COX7B2: variants seen among roughly 807,000 people sequenced by gnomAD.
COX7B2 encodes the protein cytochrome c oxidase subunit 7B2, mitochondrial.
For missense variants in COX7B2, 109 were observed against 95.9 expected (o/e 1.14, Z -0.57); for synonymous variants, 37 against 32.1 (o/e 1.15, Z -0.51).
At chr4:46,751,218 G>A (rs138266095) in intron 2 of COX7B2, among the ~76,000 whole-genome samples, 1 of 151,868 alleles carries the variant, frequency 6.6e-6, no homozygotes, top group East Asian at 1.9e-4. Context: ...TTGTTCGTGG[G>A]GAGATATTTA....
intron 1 of COX7B2, among the ~76,000 whole-genome samples, chr4:46,870,850 A>C (rs1281417981): frequency 2.0e-5 from 3 of 152,126 alleles, no homozygotes; most frequent in African/African-American, 7.2e-5. Context: ...ACACAGACAA[A>C]CGGAAAAACA....
At chr4:46,907,848 C>CTTTTTTTTGTTTTTTTTTTTTTTTTTTTT (rs1720494663) in intron 1 of COX7B2, among the ~76,000 whole-genome samples, 1 of 59,730 alleles carries the variant, frequency 1.7e-5, no homozygotes, top group Non-Finnish European at 3.1e-5. Context: ...TTTGAGCAGA[C>CTTTTTTTTGTTTTTTTTTTTTTTTTTTTT]TTTTTTTTTT....
intron 2 of COX7B2, among the ~76,000 whole-genome samples, chr4:46,749,200 T>C (rs28663436): frequency 0.32 from 48,070 of 152,016 alleles, 7,937 homozygotes; most frequent in South Asian, 0.47. Context: ...GCAAGTTAAA[T>C]GTAGAAATAA....
intron 2 of COX7B2, among the ~76,000 whole-genome samples, chr4:46,840,342 C>G (rs538757261): frequency 3.6e-4 from 55 of 152,018 alleles, no homozygotes; most frequent in Admixed American, 9.8e-4. Context: ...AATTAGAAAA[C>G]AGGGGACTTC....
intron 2 of COX7B2, among the ~76,000 whole-genome samples, chr4:46,758,688 AGAAATTTAGT>A (rs1323220628): frequency 6.6e-6 from 1 of 152,164 alleles, no homozygotes; most frequent in Non-Finnish European, 1.5e-5. Flanking sequence ...TTCTCAAAGT[AGAAATTTAGT>A]GAACCCAAAG....
intron 2 of COX7B2, among the ~76,000 whole-genome samples, chr4:46,796,622 G>A (rs1426323749): frequency 1.4e-5 from 1 of 70,896 alleles, no homozygotes; most frequent in African/African-American, 7.0e-5. Flanking sequence ...AAATCATGCT[G>A]CTATAAAGAC....
intron 1 of COX7B2, among the ~76,000 whole-genome samples, chr4:46,875,966 A>C (rs944221171): frequency 2.5e-4 from 38 of 152,106 alleles, no homozygotes; most frequent in African/African-American, 8.7e-4. Flanking sequence ...AATTCAGTGA[A>C]GTTTATATGC....
chr4:46,863,863 TTA>T (rs1486961407), intron 1 of COX7B2, among the ~76,000 whole-genome samples: 2 of 152,008 alleles, frequency 1.3e-5, no homozygotes, highest in Admixed American at 6.5e-5. Context: ...TTTTTAATTC[TTA>T]GATTGCTTAA....
intron 2 of COX7B2, among the ~76,000 whole-genome samples, chr4:46,825,893 G>A (rs556292915): frequency 6.6e-6 from 1 of 152,154 alleles, no homozygotes; most frequent in Admixed American, 6.6e-5. Flanking sequence ...ATAGATTAAA[G>A]GTTTAAATGT....
intron 1 of COX7B2, among the ~76,000 whole-genome samples, chr4:46,855,013 A>G (rs1023208107): frequency 2.6e-5 from 4 of 152,162 alleles, no homozygotes; most frequent in Non-Finnish European, 4.4e-5. Context: ...AGAATTTTAA[A>G]TTAATTTTAA....
chr4:46,819,292 C>T (rs181759961), intron 2 of COX7B2, among the ~76,000 whole-genome samples: 158 of 152,166 alleles, frequency 1.0e-3, no homozygotes, highest in African/African-American at 3.6e-3. Context: ...TCATTCATTC[C>T]CTCTACAGAG....
chr4:46,839,343 C>T (rs117764449), intron 2 of COX7B2, among the ~76,000 whole-genome samples: 2 of 152,068 alleles, frequency 1.3e-5, no homozygotes, highest in East Asian at 3.9e-4. Context: ...GTGCTTCAGT[C>T]CTCTTGTCAA....
intron 1 of COX7B2, among the ~76,000 whole-genome samples, chr4:46,870,389 G>A (rs1360105461): frequency 6.6e-6 from 1 of 151,992 alleles, no homozygotes; most frequent in African/African-American, 2.4e-5. Context: ...TACTGAATGA[G>A]CAAAAGTTGG....
intron 2 of COX7B2, among the ~76,000 whole-genome samples, chr4:46,797,034 T>A: frequency 1.1e-5 from 1 of 93,872 alleles, no homozygotes; most frequent in African/African-American, 4.9e-5. Flanking sequence ...ATGGCACATG[T>A]ATACATATGT....
intron 2 of COX7B2, among the ~76,000 whole-genome samples, chr4:46,756,734 C>G (rs374028430): frequency 1.3e-5 from 2 of 151,902 alleles, no homozygotes; most frequent in Non-Finnish European, 2.9e-5. Flanking sequence ...CAAAGAAAAA[C>G]CATAATGAGA....
chr4:46,778,949 TACAA>T (rs1156284167), intron 2 of COX7B2, among the ~76,000 whole-genome samples: 1 of 152,174 alleles, frequency 6.6e-6, no homozygotes, highest in East Asian at 1.9e-4. Context: ...CATCTAAAAA[TACAA>T]TATAAAACAA....
rs1244031024 is a variant in COX7B2, at chr4:46,756,666, ACAAG to A, written c.-49-21429_-49-21426del. Among the ~76,000 whole-genome samples, 3 of 152,228 alleles carry A rather than the reference ACAAG, an allele frequency of 2.0e-5. No homozygotes were observed. The East Asian group carries it at 5.8e-4, about 29-fold the overall frequency. Reference sequence around the variant, plus strand: ...AAGGGCATACATTTCTAAAAGACATACAAGCAGTCAACAAACATATGAAAAAATA... The same window carrying A: ...AAGGGCATACATTTCTAAAAGACATACAGTCAACAAACATATGAAAAAATA... On this transcript the variant is annotated intron_variant, in intron 2 of 2. Transcript: ENST00000355591.
chr4:46,834,209 C>A (rs1223629816), intron 2 of COX7B2, among the ~76,000 whole-genome samples: 2 of 151,986 alleles, frequency 1.3e-5, no homozygotes, highest in African/African-American at 4.8e-5. Context: ...ATAGTATGAT[C>A]CCAATTTTAA....
intron 2 of COX7B2, among the ~76,000 whole-genome samples, chr4:46,740,931 G>C (rs1714667124): frequency 6.6e-6 from 1 of 152,098 alleles, no homozygotes; most frequent in African/African-American, 2.4e-5. Flanking sequence ...TTGGGAATCA[G>C]AGTTTGGGTG....
Sources: allele counts gnomAD v4.1 joint callset (sites outside exome capture counted in the v4.1 genomes callset), GRCh38; gene constraint gnomAD v4.1.1; transcripts MANE v1.5; gene names NCBI Gene and HGNC (gene_info 2026-07-23, HGNC 2026-07-21).